Variants in HSPA4 observed in about 807,000 individuals in gnomAD.
The protein encoded by HSPA4 is heat shock 70 kDa protein 4.
A neutral mutation model predicts 106.2 loss-of-function variants in HSPA4; 25 were observed. The observed-to-expected ratio is 0.24, with a 90% CI of 0.17 to 0.33. The LOEUF (loss-of-function observed/expected upper bound fraction) is 0.33, where lower values mean the gene tolerates loss of function less well. Ranked by LOEUF, HSPA4 falls within the 10% of genes least tolerant of loss-of-function variation. The pLI is 1.00. For missense variants in HSPA4, 841 were observed against 996.0 expected (o/e 0.84, Z 2.10); for synonymous variants, 332 against 333.6 (o/e 1.00, Z 0.05).
At chr5:133,089,948 A>G (rs72667114) in intron 11 of HSPA4, among the ~76,000 whole-genome samples, 2 of 152,202 alleles carry the variant, frequency 1.3e-5, no homozygotes, top group Non-Finnish European at 2.9e-5. Context: ...AGATTGCAAA[A>G]GAAAACCTCT....
intron 1 of HSPA4, among the ~76,000 whole-genome samples, chr5:133,063,842 A>G (rs941980413): frequency 2.0e-5 from 3 of 151,336 alleles, no homozygotes; most frequent in Non-Finnish European, 4.4e-5. Flanking sequence ...GCTCACTGCA[A>G]CCTCCGACTC....
intron 5 of HSPA4, among the ~76,000 whole-genome samples, chr5:133,073,684 G>A (rs113307924): frequency 0.016 from 2,368 of 152,290 alleles, 28 homozygotes; most frequent in Middle Eastern, 0.037. Flanking sequence ...AGAACATGCG[G>A]GGATGTTAAC....
chr5:133,086,888 C>T (rs144925271), intron 8 of HSPA4, 30 bp downstream of exon 8: 55 of 1,462,212 alleles, frequency 3.8e-5, no homozygotes, highest in South Asian at 6.9e-5. Flanking sequence ...AATTTGTTTG[C>T]GTATCTCAGA....
At chr5:133,099,777 A>G in intron 16 of HSPA4, 125 bp downstream of exon 16, 1 of 479,786 alleles carries the variant, frequency 2.1e-6, no homozygotes, top group Non-Finnish European at 3.9e-6. Flanking sequence ...ACTAAAATAA[A>G]CCCTTTATGA....
rs185606092 is a variant in HSPA4, at chr5:133,089,656, A to G, written c.1339A>G (p.Ser447Gly). ...ACCTTTCACTCTTGAGGCCTACTAC[A>G]GCTCTCCTCAGGATTTGCCCTATCC... Reference protein sequence around the residue: ...KEPFTLEAYYSSPQDLPYPDP... With the variant: ...KEPFTLEAYYGSPQDLPYPDP... The change falls in exon 11 of 19, where the codon AGC becomes GGC. Residue 447 changes from serine to glycine, a missense_variant. Ser to Gly is a moderately conservative substitution (Grantham distance 56). Coordinates refer to ENST00000304858, the MANE Select transcript of HSPA4 (RefSeq NM_002154.4). The G allele has an allele frequency of 2.5e-6, 4 of 1,611,494 alleles. No individual in the cohort carries two copies. Among genetic ancestry groups the G allele is most frequent in the Admixed American group, 1.7e-5 (1 of 59,844 alleles).
chr5:133,100,980 T>A (rs908317590), intron 16 of HSPA4, among the ~76,000 whole-genome samples: 2 of 152,142 alleles, frequency 1.3e-5, no homozygotes, highest in Non-Finnish European at 2.9e-5. Flanking sequence ...TGTTTTAATT[T>A]TTTTTGTAGG....
intron 1 of HSPA4, among the ~76,000 whole-genome samples, chr5:133,060,470 C>A (rs1372129099): frequency 1.3e-5 from 2 of 152,012 alleles, no homozygotes; most frequent in Admixed American, 6.6e-5. Flanking sequence ...TCAAGTGATT[C>A]TTCTGCCTCA....
At chr5:133,055,398 G>T (rs751054971) in intron 1 of HSPA4, among the ~76,000 whole-genome samples, 1 of 144,794 alleles carries the variant, frequency 6.9e-6, no homozygotes, top group Non-Finnish European at 1.5e-5. Flanking sequence ...GCATGTTGTG[G>T]GTTTGTTTTA....
chr5:133,095,999 C>T (rs1052899246), intron 13 of HSPA4, 99 bp from the exon 14 acceptor site: 92 of 951,548 alleles, frequency 9.7e-5, no homozygotes, highest in Middle Eastern at 2.2e-4. Context: ...CAAAAGAGAA[C>T]GAAGTAAAAA....
At chr5:133,059,377 G>A (rs1765207904) in intron 1 of HSPA4, among the ~76,000 whole-genome samples, 1 of 151,972 alleles carries the variant, frequency 6.6e-6, no homozygotes, top group African/African-American at 2.4e-5. Context: ...GAACCCGGGA[G>A]GCAGAGGTTG....
In HSPA4 at chr5:133,104,255, C is replaced by G. The variant is rs775753031; in HGVS notation, c.2342C>G (p.Pro781Arg). ...CAGGAGCTGACAAGTACTTGTAGCC[C>G]TATAATTTCAAAGCCCAAACCCAAA... The part of the protein sequence containing the change: ...KIKELTSTCS[P>R]IISKPKPKVE... The change falls in exon 19 of 19, where the codon CCT (proline) becomes CGT (arginine). Residue 781 changes from proline (P) to arginine (R), a missense_variant. This residue lies in a region of HSPA4 where 328 missense variants were observed against 372.2 expected (regional missense o/e 0.88). Coordinates refer to ENST00000304858, the MANE Select transcript of HSPA4 (RefSeq NM_002154.4). The G allele has an allele frequency of 3.7e-6, 6 of 1,613,882 alleles. No individual in the cohort carries two copies. Among genetic ancestry groups the G allele is most frequent in the Middle Eastern group, 3.3e-4 (2 of 6,062 alleles).
At chr5:133,088,696 G>A (rs1201365821) in intron 9 of HSPA4, 141 bp downstream of exon 9, 12 of 668,976 alleles carry the variant, frequency 1.8e-5, no homozygotes, top group Non-Finnish European at 2.4e-5. Context: ...TAAAATAGAG[G>A]TGATGTTCCT....
At chr5:133,082,808 A>G (rs1765529113) in intron 7 of HSPA4, among the ~76,000 whole-genome samples, 1 of 152,122 alleles carries the variant, frequency 6.6e-6, no homozygotes, top group South Asian at 2.1e-4. Flanking sequence ...TGTAAATTAT[A>G]TTGCAATAAA....
chr5:133,101,832 A>G lies in HSPA4; in HGVS notation c.2111A>G (p.Lys704Arg). The G allele has an allele frequency of 1.9e-6, 3 of 1,603,878 alleles. No homozygotes were observed. Among genetic ancestry groups the G allele is most frequent in the Non-Finnish European group, 2.6e-6 (3 of 1,172,032 alleles). Reference sequence around the variant, plus strand: ...CCAAAATTATTTGAAGAACTAGGGAAACAGATCCAACAGTATATGAAAATA... The same window carrying G: ...CCAAAATTATTTGAAGAACTAGGGAGACAGATCCAACAGTATATGAAAATA... ...ERPKLFEELG[K>R]QIQQYMKIIS... The change falls in exon 17 of 19, where the codon AAA becomes AGA. Residue 704 changes from lysine (K) to arginine (R), a missense_variant. Transcript: ENST00000304858.
At chr5:133,101,921 CTTTTTTTTTTTTTTT>C (rs60177569) in intron 17 of HSPA4, 43 bp downstream of exon 17, 3 of 716,272 alleles carry the variant, frequency 4.2e-6, no homozygotes, top group Non-Finnish European at 5.6e-6. Flanking sequence ...GTAAAGTTAA[CTTTTTTTTTTTTTTT>C]TTTTTTTTGA....
intron 3 of HSPA4, among the ~76,000 whole-genome samples, chr5:133,069,858 T>C (rs1028381018): frequency 1.1e-4 from 17 of 152,136 alleles, no homozygotes; most frequent in African/African-American, 4.1e-4. Flanking sequence ...TCTCCAAGTA[T>C]CGTGTTTGGT....
At chr5:133,060,435 T>C (rs1765226652) in intron 1 of HSPA4, among the ~76,000 whole-genome samples, 1 of 152,086 alleles carries the variant, frequency 6.6e-6, no homozygotes, top group Non-Finnish European at 1.5e-5. Flanking sequence ...CAATCTCGGC[T>C]CACTACAATC....
chr5:133,062,996 A>C (rs1190755747), intron 1 of HSPA4, among the ~76,000 whole-genome samples: 2 of 152,216 alleles, frequency 1.3e-5, no homozygotes, highest in African/African-American at 4.8e-5. Context: ...GACTTGGAAG[A>C]ATTAGGAGTT....
intron 16 of HSPA4, 106 bp from the exon 17 acceptor site, chr5:133,101,653 T>C (rs1765786710): frequency 2.9e-6 from 3 of 1,049,868 alleles, no homozygotes; most frequent in Non-Finnish European, 4.2e-6. Flanking sequence ...TTTAACTTCT[T>C]ATATATAGCA....
Sources: gnomAD v4.1 joint callset for allele counts (sites outside exome capture counted in the v4.1 genomes callset) on GRCh38, gnomAD v4.1.1 for gene constraint, gnomAD v4.1.1 regional missense constraint, MANE v1.5 for transcripts, NCBI Gene and HGNC (gene_info 2026-07-23, HGNC 2026-07-21) for gene names.